Variants in RAB21 observed in about 807,000 individuals in gnomAD.
RAB21 encodes RAB21, member RAS oncogene family, also known as ras-related protein Rab-21.
In RAB21, 13 loss-of-function variants were observed where a neutral mutation model predicts 33.1. The observed-to-expected ratio is 0.39, with a 90% confidence interval of 0.26 to 0.62. RAB21 has a LOEUF of 0.62. RAB21 is among the 20% of genes least tolerant of loss of function. The probability of loss-of-function intolerance (pLI) is 0.48; values close to 1 mark genes in which losing one functional copy is unlikely to be tolerated. For synonymous variants in RAB21, 91 were observed against 103.7 expected (o/e 0.88, Z 0.74); for missense variants, 234 against 279.1 (o/e 0.84, Z 1.15).
intron 3 of RAB21, 66 bp from the exon 4 acceptor site, chr12:71,773,893 T>C (rs1336983160): frequency 6.2e-6 from 7 of 1,120,794 alleles, no homozygotes; most frequent in African/African-American, 1.6e-5. Flanking sequence ...GTTGAGTTTT[T>C]TGGGTGTTGT....
intron 4 of RAB21, among the ~76,000 whole-genome samples, chr12:71,775,004 T>C (rs328712): frequency 0.93 from 141,480 of 152,260 alleles, 65,882 homozygotes; most frequent in East Asian, 1. Flanking sequence ...CATTTAACTA[T>C]ACATTTTTGA....
In RAB21 at chr12:71,773,447, C is replaced by G. The variant is rs536072734; in HGVS notation, c.328-512C>G. On this transcript the variant is annotated intron_variant, in intron 3 of 6. Coordinates refer to ENST00000261263, the MANE Select transcript of RAB21 (RefSeq NM_014999.4). ...GTCAGTATTGCCAAGGTTGCAAAAC[C>G]CTGTCGTACACTAAATGATTGAATT... 4.6e-5 allele frequency among the ~76,000 whole-genome samples: 7 copies of G among 152,244 alleles called. No individual in the cohort carries two copies. The South Asian group carries it at 1.5e-3, about 32-fold the overall frequency.
intron 1 of RAB21, among the ~76,000 whole-genome samples, chr12:71,760,167 T>C (rs1882849659): frequency 6.6e-6 from 1 of 152,272 alleles, no homozygotes; most frequent in Admixed American, 6.5e-5. Context: ...TTAAAATTGC[T>C]TATAGGTTAA....
chr12:71,787,163 G>A lies in RAB21; in HGVS notation c.*1490G>A, dbSNP rs1042318129. The A allele has an allele frequency of 6.6e-6, 1 of 152,152 alleles. No individual in the cohort carries two copies. Among genetic ancestry groups the A allele is most frequent in the Admixed American group, 6.5e-5 (1 of 15,270 alleles). The allele number at this position is 152,152 out of a possible 1,614,324, so 9.4% of individuals were successfully genotyped here. A position where few individuals can be genotyped will look rare whatever the true frequency, so the allele number is the denominator to read the frequency against. ...GAACTATCCTGAGTTTCTGTGGATG[G>A]AAACATTACATGTAATGCAGATATA... On this transcript the variant is annotated 3_prime_UTR_variant, in exon 7 of 7. Transcript: ENST00000261263.
chr12:71,769,848 C>G lies in RAB21; in HGVS notation c.208C>G (p.Leu70Val). The change falls in exon 2 of 7, where the codon CTT (leucine) becomes GTT (valine). Residue 70 changes from leucine to valine, a missense_variant. Physicochemically the swap from Leu to Val is conservative, Grantham distance 32. Transcript: ENST00000261263. ...AAATATTGGTGGGAAAAGAGTAAAC[C>G]TTGCCATATGGGTAAGTGAACTTTT... The part of the protein sequence containing the change: ...KLNIGGKRVN[L>V]AIWDTAGQER... The G allele has an allele frequency of 7.3e-7, 1 of 1,374,918 alleles. No homozygotes were observed. The highest frequency in any genetic ancestry group is 9.6e-7 in the Non-Finnish European group (1 of 1,040,068). 85.2% of individuals were successfully genotyped at this position (1,374,918 alleles called of 1,614,324 possible). A position where few individuals can be genotyped will look rare whatever the true frequency, so the allele number is the denominator to read the frequency against.
chr12:71,762,964 C>T (rs1882900072), intron 1 of RAB21, among the ~76,000 whole-genome samples: 1 of 152,054 alleles, frequency 6.6e-6, no homozygotes, highest in Admixed American at 6.6e-5. Context: ...ATTCTGTCAT[C>T]TCTTAAGTAT....
rs1883478027 is a variant in RAB21 at position 71,797,480 on chromosome 12, TCAAA to T, written c.*11810_*11813del. The T allele has an allele frequency of 6.6e-6, 1 of 151,422 alleles. No homozygotes were observed. The highest frequency in any genetic ancestry group is 6.6e-5 in the Admixed American group (1 of 15,192). The allele number at this position is 151,422 out of a possible 1,614,324, so 9.4% of individuals were successfully genotyped here. A position where few individuals can be genotyped will look rare whatever the true frequency, so the allele number is the denominator to read the frequency against. ...CTTTGTATTTCACATGAAAATAAAT[TCAAA>T]CACATGGAGATGCATATCATATTCT... On this transcript the variant is annotated 3_prime_UTR_variant, in exon 7 of 7. Transcript: ENST00000261263.
At chr12:71,769,882 T>A in intron 2 of RAB21, 23 bp downstream of exon 2, 1 of 1,268,566 alleles carries the variant, frequency 7.9e-7, no homozygotes, top group Non-Finnish European at 1.0e-6. Flanking sequence ...TTTCAACTAT[T>A]ATGCGTGGAG....
chr12:71,756,138 C>A (rs774194354), intron 1 of RAB21, among the ~76,000 whole-genome samples: 1 of 152,104 alleles, frequency 6.6e-6, no homozygotes, highest in Non-Finnish European at 1.5e-5. Context: ...TTTGACTTAC[C>A]AATTTGGTCA....
intron 1 of RAB21, among the ~76,000 whole-genome samples, chr12:71,768,975 C>G (rs1883001425): frequency 6.6e-6 from 1 of 151,972 alleles, no homozygotes; most frequent in South Asian, 2.1e-4. Flanking sequence ...TGTCTTAGAA[C>G]AGGTTTTGTT....
chr12:71,760,718 T>A (rs183890903), intron 1 of RAB21, among the ~76,000 whole-genome samples: 1 of 150,808 alleles, frequency 6.6e-6, no homozygotes, highest in Non-Finnish European at 1.5e-5. Flanking sequence ...TATGTACCCC[T>A]TTTTTTTTCC....
rs1883424508 is a variant in RAB21 at position 71,793,986 on chromosome 12, G to C, written c.*8313G>C. 2 of 152,240 alleles carry C rather than the reference G, an allele frequency of 1.3e-5. No homozygotes were observed. Among genetic ancestry groups the C allele is most frequent in the South Asian group, 4.1e-4 (2 of 4,822 alleles). 9.4% of individuals were successfully genotyped at this position (152,240 alleles called of 1,614,324 possible). ...ATCCAGCACTTTGGGAGGCTGAGGTGGGTGGATGGATCCCTTAAACCCAGG... is the reference window on the plus strand; with the variant it reads ...ATCCAGCACTTTGGGAGGCTGAGGTCGGTGGATGGATCCCTTAAACCCAGG... On this transcript the variant is annotated 3_prime_UTR_variant, in exon 7 of 7. Transcript: ENST00000261263.
Position 71,798,530 on chromosome 12 carries a change from A to C in RAB21, c.*12857A>C, listed in dbSNP as rs546441917. The C allele has an allele frequency of 1.6e-4, 25 of 152,344 alleles. No homozygotes were observed. The South Asian group carries it at 5.2e-3, about 32-fold the overall frequency. The allele number at this position is 152,344 out of a possible 1,614,324, so 9.4% of individuals were successfully genotyped here. ...GCTTAATTTATAAAGAACACCTAGA[A>C]ATGAAAAAGTCCAATGATCCAAAAA... On this transcript the variant is annotated 3_prime_UTR_variant, in exon 7 of 7. Transcript: ENST00000261263.
At position 71,789,469 on chromosome 12, in the gene RAB21, AC is replaced by A. The variant is rs1418164613; in HGVS notation, c.*3797del. 2 of 152,052 alleles carry A rather than the reference AC, an allele frequency of 1.3e-5. No individual in the cohort carries two copies. The highest frequency in any genetic ancestry group is 4.8e-5 in the African/African-American group (2 of 41,416). The allele number at this position is 152,052 out of a possible 1,614,324, so 9.4% of individuals were successfully genotyped here. A position where few individuals can be genotyped will look rare whatever the true frequency, so the allele number is the denominator to read the frequency against. On this transcript the variant is annotated 3_prime_UTR_variant, in exon 7 of 7. Transcript: ENST00000261263. ...TTTAACTTTTAGAATTCATCTTTTG[AC>A]TTGTTTGCCACTGTAGAGTTTTCAG...
chr12:71,794,427 A>ATATT lies in RAB21; in HGVS notation c.*8755_*8756insATTT, dbSNP rs1883435502. ...ATATTATATATATATATATATATAT[A>ATATT]TTTTTTTTTTTTTTTTTTTTTTTTT... On this transcript the variant is annotated 3_prime_UTR_variant, in exon 7 of 7. Transcript: ENST00000261263. 2.1e-4 allele frequency: 6 copies of ATATT among 27,968 alleles called. No individual in the cohort carries two copies. The highest frequency in any genetic ancestry group is 1.1e-3 in the East Asian group (1 of 902). 1.7% of individuals were successfully genotyped at this position (27,968 alleles called of 1,614,324 possible). A position where few individuals can be genotyped will look rare whatever the true frequency, so the allele number is the denominator to read the frequency against.
At chr12:71,764,019 T>G (rs565429499) in intron 1 of RAB21, among the ~76,000 whole-genome samples, 56 of 152,226 alleles carry the variant, frequency 3.7e-4, no homozygotes, top group African/African-American at 1.3e-3. Flanking sequence ...TGTTGAAAAT[T>G]AAATGAAAAA....
In RAB21 at chr12:71,787,508, A is replaced by T. The variant is rs1883312594; in HGVS notation, c.*1835A>T. On this transcript the variant is annotated 3_prime_UTR_variant, in exon 7 of 7. Transcript: ENST00000261263. ...AAAGCTATTAGCATGAGCAATTAAG[A>T]GGCTATAAAGAGATTATAGTTACAA... The T allele has an allele frequency of 6.6e-6, 1 of 152,322 alleles. No homozygotes were observed. Among genetic ancestry groups the T allele is most frequent in the South Asian group, 2.1e-4 (1 of 4,828 alleles). The allele number at this position is 152,322 out of a possible 1,614,324, so 9.4% of individuals were successfully genotyped here.
intron 4 of RAB21, among the ~76,000 whole-genome samples, chr12:71,781,042 T>C (rs1883190952): frequency 6.6e-6 from 1 of 152,228 alleles, no homozygotes; most frequent in Non-Finnish European, 1.5e-5. Flanking sequence ...ATTTTTGTTC[T>C]GATGGCTTTT....
rs1478666132 is a variant in RAB21 at position 71,789,243 on chromosome 12, A to T, written c.*3570A>T. On this transcript the variant is annotated 3_prime_UTR_variant, in exon 7 of 7. Coordinates refer to ENST00000261263, the MANE Select transcript of RAB21 (RefSeq NM_014999.4). Reference sequence around the variant, plus strand: ...TTATCAAAGAGTTTCTAATTAAGGCAAACTATGCATTATGCCAAATATTAA... The same window carrying T: ...TTATCAAAGAGTTTCTAATTAAGGCTAACTATGCATTATGCCAAATATTAA... 6.6e-6 allele frequency: 1 copy of T among 152,114 alleles called. No homozygotes were observed. The highest frequency in any genetic ancestry group is 1.5e-5 in the Non-Finnish European group (1 of 67,964). 9.4% of individuals were successfully genotyped at this position (152,114 alleles called of 1,614,324 possible).
Sources: gnomAD v4.1 joint callset for allele counts (sites outside exome capture counted in the v4.1 genomes callset) on GRCh38, gnomAD v4.1.1 for gene constraint, MANE v1.5 for transcripts, NCBI Gene and HGNC (gene_info 2026-07-23, HGNC 2026-07-21) for gene names.